The following CERS6 variants were observed in gnomAD, a reference collection of about 807,000 sequenced individuals.
The protein encoded by CERS6 is ceramide synthase 6.
Under a neutral mutation model 56.8 loss-of-function variants are expected in CERS6, and 26 were observed. That is an observed-to-expected ratio of 0.46 (90% confidence interval 0.34 to 0.63). The LOEUF is 0.63. Among genes scored for constraint, CERS6 ranks in the 30% least tolerant of loss-of-function variants. CERS6 has a pLI of 0.01. For missense variants in CERS6, 415 were observed against 467.5 expected, an observed-to-expected ratio of 0.89 and a Z score of 1.04; for synonymous variants, 164 against 173.3, an observed-to-expected ratio of 0.95 and a Z score of 0.42.
intron 1 of CERS6, among the ~76,000 whole-genome samples, chr2:168,502,141 A>G (rs909109947): frequency 1.3e-5 from 2 of 152,174 alleles, no homozygotes; most frequent in Admixed American, 1.3e-4. Context: ...AAAGTCCCCA[A>G]TAGTTTTGTC....
At chr2:168,691,456 T>TC (rs1172773236) in intron 5 of CERS6, among the ~76,000 whole-genome samples, 1 of 152,144 alleles carries the variant, frequency 6.6e-6, no homozygotes, top group Non-Finnish European at 1.5e-5. Flanking sequence ...GTGGGAAAGA[T>TC]CAAGTGTGAG....
At chr2:168,663,730 C>T (rs945612175) in intron 4 of CERS6, among the ~76,000 whole-genome samples, 2 of 151,678 alleles carry the variant, frequency 1.3e-5, no homozygotes, top group African/African-American at 4.8e-5. Flanking sequence ...TATGTAGATC[C>T]ACCGTAGGTA....
intron 8 of CERS6, among the ~76,000 whole-genome samples, chr2:168,747,855 A>ACG (rs1684154136): frequency 6.6e-6 from 1 of 151,652 alleles, no homozygotes. Flanking sequence ...ACACACACAC[A>ACG]CGCATTTGCC....
intron 4 of CERS6, among the ~76,000 whole-genome samples, chr2:168,670,254 G>T (rs1382322086): frequency 6.6e-6 from 1 of 152,076 alleles, no homozygotes; most frequent in Non-Finnish European, 1.5e-5. Context: ...GTAGTTAAGG[G>T]GTTCATGCAG....
At chr2:168,512,288 A>T (rs13384203) in intron 1 of CERS6, among the ~76,000 whole-genome samples, 13,656 of 152,180 alleles carry the variant, frequency 0.09, 1,231 homozygotes, top group African/African-American at 0.22. Context: ...AGTGTGAATA[A>T]TCTTAATATC....
chr2:168,692,804 T>C (rs1203360765), intron 5 of CERS6, among the ~76,000 whole-genome samples: 2 of 152,264 alleles, frequency 1.3e-5, no homozygotes, highest in South Asian at 4.1e-4. Flanking sequence ...ATGTATGCAA[T>C]TATAGTACTT....
chr2:168,551,951 TACTA>T (rs1389214209), intron 2 of CERS6, among the ~76,000 whole-genome samples: 3 of 152,240 alleles, frequency 2.0e-5, no homozygotes, highest in Non-Finnish European at 4.4e-5. Flanking sequence ...ATACCTATGA[TACTA>T]ACTACCTCAC....
At chr2:168,727,130 A>G (rs2105406129) in intron 8 of CERS6, among the ~76,000 whole-genome samples, 1 of 152,248 alleles carries the variant, frequency 6.6e-6, no homozygotes, top group African/African-American at 2.4e-5. Flanking sequence ...ACGTACCTTT[A>G]CTGGTCAGCT....
intron 4 of CERS6, among the ~76,000 whole-genome samples, chr2:168,638,856 T>G (rs1684923450): frequency 6.6e-6 from 1 of 152,164 alleles, no homozygotes; most frequent in Admixed American, 6.5e-5. Context: ...AAAGCTGAAG[T>G]ATAGATTTTT....
chr2:168,598,708 A>G (rs540039886), intron 3 of CERS6, among the ~76,000 whole-genome samples: 10 of 152,366 alleles, frequency 6.6e-5, no homozygotes, highest in Non-Finnish European at 1.0e-4. Flanking sequence ...ATTGTCTTCA[A>G]TCTTCACTTC....
intron 4 of CERS6, among the ~76,000 whole-genome samples, chr2:168,652,260 T>C (rs760762959): frequency 6.6e-6 from 1 of 152,214 alleles, no homozygotes; most frequent in African/African-American, 2.4e-5. Flanking sequence ...CTGCTGCCAG[T>C]TGACCTCCGG....
intron 4 of CERS6, among the ~76,000 whole-genome samples, chr2:168,636,632 G>A (rs977674939): frequency 1.8e-4 from 28 of 152,100 alleles, no homozygotes; most frequent in African/African-American, 6.8e-4. Context: ...GCTGTGCTTC[G>A]ATGCTTACAA....
intron 1 of CERS6, among the ~76,000 whole-genome samples, chr2:168,494,965 G>C (rs988650470): frequency 6.6e-5 from 10 of 152,108 alleles, no homozygotes; most frequent in Non-Finnish European, 1.0e-4. Flanking sequence ...TTGGAACCTT[G>C]AACACACATT....
Position 168,770,578 on chromosome 2 carries a change from G to C in CERS6, c.*916G>C, listed in dbSNP as rs1228573698. On this transcript the variant is annotated 3_prime_UTR_variant, in exon 10 of 10. Coordinates refer to ENST00000305747, the MANE Select transcript of CERS6 (RefSeq NM_203463.3). ...TTGCCACTACCCTATAATTAGTGCAGTCTTATGTTATAAAAGAAAGAAGTT... is the reference window on the plus strand; with the variant it reads ...TTGCCACTACCCTATAATTAGTGCACTCTTATGTTATAAAAGAAAGAAGTT... 1 of 152,608 alleles carries C rather than the reference G, an allele frequency of 6.6e-6. No individual in the cohort carries two copies. Among genetic ancestry groups the C allele is most frequent in the Non-Finnish European group, 1.5e-5 (1 of 68,036 alleles). 9.5% of individuals were successfully genotyped at this position (152,608 alleles called of 1,614,324 possible).
At chr2:168,536,843 T>C (rs1695272870) in intron 1 of CERS6, among the ~76,000 whole-genome samples, 1 of 152,200 alleles carries the variant, frequency 6.6e-6, no homozygotes. Context: ...TTTAATATTA[T>C]TACAAGTGCT....
intron 4 of CERS6, among the ~76,000 whole-genome samples, chr2:168,681,606 A>G (rs537847590): frequency 1.1e-4 from 16 of 152,314 alleles, no homozygotes; most frequent in Admixed American, 8.5e-4. Flanking sequence ...TTAGCCATCT[A>G]TCACCTCAGA....
chr2:168,492,401 C>G (rs1409918680), intron 1 of CERS6, among the ~76,000 whole-genome samples: 11 of 152,134 alleles, frequency 7.2e-5, no homozygotes, highest in Admixed American at 6.6e-4. Flanking sequence ...TGTTTGTTGG[C>G]CACATAAATG....
intron 3 of CERS6, among the ~76,000 whole-genome samples, chr2:168,566,982 G>A (rs763671527): frequency 7.2e-5 from 11 of 152,144 alleles, no homozygotes; most frequent in Non-Finnish European, 1.3e-4. Context: ...AGTTTTTGAA[G>A]GGGGGAATAA....
At chr2:168,650,966 AGT>A (rs1407737319) in intron 4 of CERS6, among the ~76,000 whole-genome samples, 1 of 152,058 alleles carries the variant, frequency 6.6e-6, no homozygotes, top group East Asian at 1.9e-4. Flanking sequence ...TCAGTTGGAG[AGT>A]GGGCAGGAGT....
Sources: allele counts gnomAD v4.1 joint callset (sites outside exome capture counted in the v4.1 genomes callset), GRCh38; gene constraint gnomAD v4.1.1; transcripts MANE v1.5; gene names NCBI Gene and HGNC (gene_info 2026-07-23, HGNC 2026-07-21).